Variants in HMGCLL1 observed in about 807,000 individuals in gnomAD.
HMGCLL1 encodes 3-hydroxy-3-methylglutaryl-CoA lyase like 1, also known as 3-hydroxymethyl-3-methylglutaryl-CoA lyase, cytoplasmic.
A neutral mutation model predicts 39.1 loss-of-function variants in HMGCLL1; 36 were observed. The observed-to-expected ratio is 0.92, with a 90% CI of 0.71 to 1.22. The LOEUF is 1.22. Among genes scored for constraint, HMGCLL1 ranks in the 50% most tolerant of loss-of-function variants. The probability of loss-of-function intolerance (pLI) is 0.00; values close to 1 mark genes in which losing one functional copy is unlikely to be tolerated. For synonymous variants in HMGCLL1, 149 were observed against 144.0 expected, an observed-to-expected ratio of 1.03 and a Z score of -0.25; for missense variants, 451 against 416.5, an observed-to-expected ratio of 1.08 and a Z score of -0.72.
At chr6:55,642,577 A>G in the HMGCLL1 span, among the ~76,000 whole-genome samples, 1 of 152,080 alleles carries the variant, frequency 6.6e-6, no homozygotes, top group East Asian at 1.9e-4. Flanking sequence ...CATCCCCCTC[A>G]AGCATTTATC....
At chr6:55,475,250 C>A (rs1345618798) in intron 7 of HMGCLL1, among the ~76,000 whole-genome samples, 1 of 151,534 alleles carries the variant, frequency 6.6e-6, no homozygotes, top group African/African-American at 2.4e-5. Context: ...AGTGATTATT[C>A]TTTTCCTCTC....
chr6:55,507,146 T>A (rs1280912317), intron 5 of HMGCLL1, among the ~76,000 whole-genome samples: 1 of 151,764 alleles, frequency 6.6e-6, no homozygotes, highest in Non-Finnish European at 1.5e-5. Context: ...AAGCCATTAC[T>A]GCAGGTAAAG....
chr6:55,674,364 A>G, the HMGCLL1 span, among the ~76,000 whole-genome samples: 2 of 151,746 alleles, frequency 1.3e-5, no homozygotes, highest in Admixed American at 6.6e-5. Context: ...GCCTGTGGAT[A>G]GCCATGGGCA....
intron 1 of HMGCLL1, among the ~76,000 whole-genome samples, chr6:55,550,989 A>C (rs1031577781): frequency 6.6e-6 from 1 of 151,308 alleles, no homozygotes; most frequent in African/African-American, 2.4e-5. Context: ...TAGCTGCTTC[A>C]ATGTAAAAGT....
At chr6:55,658,556 G>A in the HMGCLL1 span, among the ~76,000 whole-genome samples, 5 of 151,792 alleles carry the variant, frequency 3.3e-5, no homozygotes, top group African/African-American at 1.2e-4. Flanking sequence ...ACTGTATTAT[G>A]TATATATCTA....
At chr6:55,611,798 C>T in the HMGCLL1 span, among the ~76,000 whole-genome samples, 1 of 152,140 alleles carries the variant, frequency 6.6e-6, no homozygotes, top group Non-Finnish European at 1.5e-5. Context: ...TATGATTGAA[C>T]ATATCTCAAA....
the HMGCLL1 span, among the ~76,000 whole-genome samples, chr6:55,624,198 G>A: frequency 6.6e-6 from 1 of 152,148 alleles, no homozygotes; most frequent in South Asian, 2.1e-4. Context: ...GAAAGATCCA[G>A]GAGTGGTGAT....
At chr6:55,479,024 T>C (rs1765597069) in intron 7 of HMGCLL1, among the ~76,000 whole-genome samples, 1 of 151,534 alleles carries the variant, frequency 6.6e-6, no homozygotes, top group Non-Finnish European at 1.5e-5. Context: ...CATCTGCCAG[T>C]GAATTGAACT....
At chr6:55,532,792 C>A (rs541672772) in intron 3 of HMGCLL1, among the ~76,000 whole-genome samples, 1 of 142,818 alleles carries the variant, frequency 7.0e-6, no homozygotes, top group East Asian at 2.0e-4. Context: ...CAAAGCAAGA[C>A]TCTGTCTCAA....
chr6:55,620,869 T>C, the HMGCLL1 span, among the ~76,000 whole-genome samples: 8,370 of 152,266 alleles, frequency 0.055, 392 homozygotes, highest in Non-Finnish European at 0.077. Flanking sequence ...GCACCATTTA[T>C]TGATGAAGCT....
chr6:55,611,118 A>T, the HMGCLL1 span, among the ~76,000 whole-genome samples: 7 of 152,336 alleles, frequency 4.6e-5, no homozygotes, highest in East Asian at 1.2e-3. Context: ...ACTCAAAACC[A>T]TAAAACTACA....
At chr6:55,595,862 C>T in the HMGCLL1 span, among the ~76,000 whole-genome samples, 1 of 152,140 alleles carries the variant, frequency 6.6e-6, no homozygotes, top group Non-Finnish European at 1.5e-5. Context: ...ACGTTAAACG[C>T]TGCAGCATGA....
At chr6:55,536,199 A>G (rs1255210332) in intron 3 of HMGCLL1, among the ~76,000 whole-genome samples, 1 of 152,136 alleles carries the variant, frequency 6.6e-6, no homozygotes, top group South Asian at 2.1e-4. Flanking sequence ...TTTGTCTTTT[A>G]CATACATTTC....
chr6:55,450,305 C>G (rs567617180), intron 7 of HMGCLL1, among the ~76,000 whole-genome samples: 2 of 152,198 alleles, frequency 1.3e-5, no homozygotes, highest in African/African-American at 4.8e-5. Flanking sequence ...CAGGATAGAG[C>G]TGGCAGAAGA....
upstream of HMGCLL1, chr6:55,579,327 A>G: frequency 1.9e-6 from 1 of 538,430 alleles, no homozygotes. Context: ...GAGCTGAGCC[A>G]GAGGATGTCC....
chr6:55,550,253 T>G (rs576484042), intron 1 of HMGCLL1, among the ~76,000 whole-genome samples: 1 of 152,100 alleles, frequency 6.6e-6, no homozygotes, highest in Non-Finnish European at 1.5e-5. Flanking sequence ...TGTGAGATGT[T>G]GCTCAGGTAC....
Position 55,495,504 on chromosome 6 carries a change from A to T in HMGCLL1, c.710T>A (p.Met237Lys), listed in dbSNP as rs962924414. ...GSMKRMLESV[M>K]KEIPPGALAV... The stretch of plus-strand genomic sequence containing the variant: ...AAGAGCACCTGGTGGGATTTCTTTC[A>T]TCACACTTTCCAACATTCTTTTCAT... The change falls in exon 7 of 9, where the codon ATG becomes AAG. Residue 237 changes from methionine (M) to lysine (K), a missense_variant. Coordinates refer to ENST00000274901, the MANE Select transcript of HMGCLL1 (RefSeq NM_001042406.2). 6.2e-7 allele frequency: 1 copy of T among 1,614,038 alleles called. No homozygotes were observed.
intron 7 of HMGCLL1, among the ~76,000 whole-genome samples, chr6:55,491,084 GT>G (rs1486293158): frequency 1.3e-5 from 2 of 152,048 alleles, no homozygotes; most frequent in Non-Finnish European, 2.9e-5. Flanking sequence ...TCTCATCTCA[GT>G]TTTGCACAAC....
the HMGCLL1 span, among the ~76,000 whole-genome samples, chr6:55,637,714 A>ATGTGTGTGTGTG: frequency 0.081 from 12,001 of 148,562 alleles, 586 homozygotes; most frequent in African/African-American, 0.093. Flanking sequence ...ATAATTTGAT[A>ATGTGTGTGTGTG]TGTGTGTGTG....
Sources: allele counts gnomAD v4.1 joint callset (sites outside exome capture counted in the v4.1 genomes callset), GRCh38; gene constraint gnomAD v4.1.1; transcripts MANE v1.5; gene names NCBI Gene and HGNC (gene_info 2026-07-23, HGNC 2026-07-21).